Variants in MS4A13 observed in about 807,000 individuals in gnomAD.
MS4A13 encodes the protein membrane-spanning 4-domains subfamily A member 13.
MS4A13 carries 21 observed loss-of-function variants against 18.4 expected under a neutral mutation model. That is an observed-to-expected ratio of 1.14 (90% confidence interval 0.81 to 1.64). The LOEUF is 1.64. Ranked by LOEUF, MS4A13 falls within the 40% of genes most tolerant of loss-of-function variation. The pLI is 0.00. For synonymous variants in MS4A13, 62 were observed against 57.2 expected, an observed-to-expected ratio of 1.08 and a Z score of -0.38; for missense variants, 173 against 176.8, an observed-to-expected ratio of 0.98 and a Z score of 0.12.
intron 3 of MS4A13, among the ~76,000 whole-genome samples, chr11:60,522,239 G>GATAGATAGATATATATATATATCTATAT (rs55942628): frequency 1.5e-5 from 2 of 133,888 alleles, no homozygotes; most frequent in Admixed American, 1.6e-4. Context: ...TAGATAGATA[G>GATAGATAGATATATATATATATCTATAT]ATGTATATAT....
At chr11:60,542,798 T>A, downstream of MS4A13, 1 of 371,222 alleles carries the variant, frequency 2.7e-6, no homozygotes, top group East Asian at 4.1e-5. Flanking sequence ...AGGATGAATG[T>A]GTTATCTAGG....
chr11:60,539,605 C>A (rs974825807), intron 6 of MS4A13, among the ~76,000 whole-genome samples: 3 of 151,934 alleles, frequency 2.0e-5, no homozygotes, highest in South Asian at 4.2e-4. Flanking sequence ...TTCAATACAT[C>A]CAAAAAGCTC....
intron 2 of MS4A13, 92 bp downstream of exon 2, chr11:60,516,176 T>C (rs939360377): frequency 6.8e-6 from 1 of 146,550 alleles, no homozygotes; most frequent in Non-Finnish European, 1.5e-5. Context: ...ACAGACTTGG[T>C]TAAATCAAAA....
intron 5 of MS4A13, among the ~76,000 whole-genome samples, chr11:60,527,400 CTCTCTCTCTCTGTGTG>C (rs2086724497): frequency 2.4e-5 from 2 of 84,046 alleles, no homozygotes; most frequent in African/African-American, 5.3e-5. Context: ...CTCTCTCTCT[CTCTCTCTCTCTGTGTG>C]TGTGTGTGTG....
At chr11:60,535,849 G>T (rs2086805450) in intron 6 of MS4A13, among the ~76,000 whole-genome samples, 1 of 1,652 alleles carries the variant, frequency 6.1e-4, no homozygotes, top group Non-Finnish European at 1.1e-3. Context: ...CTTCATCCCT[G>T]GGATGCAAGG....
Position 60,525,300 on chromosome 11 carries a change from G to A in MS4A13, c.280G>A (p.Val94Met). 1.3e-6 allele frequency: 2 copies of A among 1,588,468 alleles called. No homozygotes were observed. Among genetic ancestry groups the A allele is most frequent in the Non-Finnish European group, 1.7e-6 (2 of 1,161,426 alleles). ...AATAGAGTTGTCTCATTTTAATTCT[G>A]TGTCATACAGGAATTATGGACAAGC... ...TIIELSHFNS[V>M]SYRNYGQAKL... The change falls in exon 5 of 7, where the codon GTG (valine) becomes ATG (methionine). Residue 94 changes from valine (V) to methionine (M), a missense_variant. By Grantham distance (21) the Val-to-Met change is conservative. Transcript: ENST00000378186.
chr11:60,527,496 G>C (rs1027858697), intron 5 of MS4A13, among the ~76,000 whole-genome samples: 1 of 148,478 alleles, frequency 6.7e-6, no homozygotes, highest in South Asian at 2.2e-4. Flanking sequence ...ACCTTTTGCC[G>C]CTTTCAGTCA....
At chr11:60,526,361 G>A (rs191671342) in intron 5 of MS4A13, among the ~76,000 whole-genome samples, 10 of 152,294 alleles carry the variant, frequency 6.6e-5, no homozygotes, top group African/African-American at 2.2e-4. Flanking sequence ...GAGGACTTAA[G>A]TTATTAAGTG....
At chr11:60,532,771 T>C (rs1462954480) in intron 6 of MS4A13, among the ~76,000 whole-genome samples, 9 of 122,980 alleles carry the variant, frequency 7.3e-5, no homozygotes, top group Admixed American at 2.5e-4. Flanking sequence ...TAAGTGTCCC[T>C]GTCTGACAGC....
At chr11:60,531,656 C>T (rs4938956) in intron 6 of MS4A13, among the ~76,000 whole-genome samples, 25,029 of 152,108 alleles carry the variant, frequency 0.16, 2,309 homozygotes, top group East Asian at 0.27. Context: ...CTTACAATTC[C>T]AGAGGCTAGA....
intron 6 of MS4A13, among the ~76,000 whole-genome samples, chr11:60,532,223 C>T (rs909707929): frequency 2.0e-5 from 3 of 152,330 alleles, no homozygotes; most frequent in Non-Finnish European, 4.4e-5. Context: ...ATGAGCGACG[C>T]AGAAGACGGG....
intron 6 of MS4A13, among the ~76,000 whole-genome samples, chr11:60,539,927 C>A (rs1352372257): frequency 1.3e-5 from 2 of 152,090 alleles, no homozygotes; most frequent in Non-Finnish European, 1.5e-5. Context: ...AGCAGAAATT[C>A]CTCATGAGAA....
At chr11:60,532,693 C>T (rs1315665556) in intron 6 of MS4A13, among the ~76,000 whole-genome samples, 1 of 149,052 alleles carries the variant, frequency 6.7e-6, no homozygotes, top group African/African-American at 2.5e-5. Context: ...GCCTGCCTGC[C>T]TCTGTAGGCT....
rs1358559683 is a variant in MS4A13, at chr11:60,532,704, C to G, written c.402+3244C>G. On this transcript the variant is annotated intron_variant, in intron 6 of 6. Transcript: ENST00000378186. ...GGAGGCCTGCCTGCCTCTGTAGGCTCCACCTCTGGGGGCAGGGCACAGACA... is the reference window on the plus strand; with the variant it reads ...GGAGGCCTGCCTGCCTCTGTAGGCTGCACCTCTGGGGGCAGGGCACAGACA... 2.6e-3 allele frequency among the ~76,000 whole-genome samples: 391 copies of G among 148,200 alleles called. 3 individuals carry two copies. The highest frequency in any genetic ancestry group is 9.3e-3 in the African/African-American group (374 of 40,334).
chr11:60,522,281 T>TGTGTTTGTG (rs2086682652), intron 3 of MS4A13, among the ~76,000 whole-genome samples: 1 of 149,108 alleles, frequency 6.7e-6, no homozygotes, highest in Admixed American at 7.0e-5. Flanking sequence ...TATGTATGTG[T>TGTGTTTGTG]GTGTTTGTGT....
At chr11:60,518,482 G>T (rs996402980) in intron 3 of MS4A13, among the ~76,000 whole-genome samples, 1 of 152,162 alleles carries the variant, frequency 6.6e-6, no homozygotes, top group Non-Finnish European at 1.5e-5. Context: ...GAAAGGCAAA[G>T]AATCTTAACT....
intron 6 of MS4A13, among the ~76,000 whole-genome samples, chr11:60,538,153 T>G (rs1186539278): frequency 1.4e-5 from 2 of 139,464 alleles, no homozygotes; most frequent in East Asian, 4.4e-4. Context: ...AATGTGCACA[T>G]GTACCCTAAA....
intron 5 of MS4A13, among the ~76,000 whole-genome samples, chr11:60,527,367 T>C (rs895777437): frequency 4.2e-3 from 137 of 32,478 alleles, no homozygotes; most frequent in African/African-American, 0.014. Flanking sequence ...ATTCCGTCTC[T>C]CTCTCTCTCT....
Position 60,518,189 on chromosome 11 carries a change from G to A in MS4A13, c.106G>A (p.Gly36Arg), listed in dbSNP as rs771942437. The part of the protein sequence containing the change: ...GTYEPVTYKT[G>R]CTLWGIFFII... ...GTATGAACCTGTAACTTACAAAACA[G>A]GATGTACTTTATGGGGAATTTTTGT... Residue 36 changes from glycine (G) to arginine (R), a missense_variant, in exon 3 of 7, where the codon GGA becomes AGA. Gly to Arg is a moderately radical substitution (Grantham distance 125). Coordinates refer to ENST00000378186, the MANE Select transcript of MS4A13 (RefSeq NM_001012417.3). 4.3e-6 allele frequency: 7 copies of A among 1,610,766 alleles called. No homozygotes were observed. The highest frequency in any genetic ancestry group is 5.9e-6 in the Non-Finnish European group (7 of 1,178,172).
Sources: allele counts gnomAD v4.1 joint callset (sites outside exome capture counted in the v4.1 genomes callset), GRCh38; gene constraint gnomAD v4.1.1; transcripts MANE v1.5; gene names NCBI Gene and HGNC (gene_info 2026-07-23, HGNC 2026-07-21).